WDR17: variants seen among roughly 807,000 people sequenced by gnomAD.
WDR17 encodes WD repeat domain 17.
In WDR17, 143 loss-of-function variants were observed where a neutral mutation model predicts 161.7. The ratio of observed to expected loss-of-function variants is 0.88; its 90% CI spans 0.77 to 1.02. WDR17 has a LOEUF of 1.02. WDR17 is among the 50% of genes least tolerant of loss of function. WDR17 has a pLI of 0.00. For synonymous variants in WDR17, 517 were observed against 515.6 expected, an observed-to-expected ratio of 1.00 and a Z score of -0.04; for missense variants, 1,469 against 1,520.9, an observed-to-expected ratio of 0.97 and a Z score of 0.57.
chr4:176,143,021 G>A (rs6849468), intron 11 of WDR17, among the ~76,000 whole-genome samples: 40,644 of 152,004 alleles, frequency 0.27, 5,694 homozygotes, highest in African/African-American at 0.34. Flanking sequence ...CTGGGATTAT[G>A]GGCATGCGCC....
At chr4:176,101,496 A>T (rs1020683886) in intron 1 of WDR17, among the ~76,000 whole-genome samples, 1 of 152,202 alleles carries the variant, frequency 6.6e-6, no homozygotes, top group Non-Finnish European at 1.5e-5. Context: ...AAATGTTGGT[A>T]TTATCAGACA....
At chr4:176,076,624 AT>A (rs550717229) in intron 1 of WDR17, among the ~76,000 whole-genome samples, 16 of 149,500 alleles carry the variant, frequency 1.1e-4, no homozygotes, top group Non-Finnish European at 2.2e-4. Flanking sequence ...CATTGATATG[AT>A]TTTTTTTTGC....
intron 2 of WDR17, among the ~76,000 whole-genome samples, chr4:176,112,547 A>G (rs1176114576): frequency 1.3e-5 from 2 of 152,060 alleles, no homozygotes; most frequent in Admixed American, 1.3e-4. Flanking sequence ...TTTCTAAGAC[A>G]TCTCAGTCTT....
Position 176,085,211 on chromosome 4 carries a change from A to T in WDR17, c.-7+19132A>T, listed in dbSNP as rs571294143. ...ATTTTGAGAGAATTTACATTTTCAC[A>T]TTTAATCTAATTCATTAACTCCATG... On this transcript the variant is annotated intron_variant, in intron 1 of 28. Coordinates refer to ENST00000508596, the MANE Select transcript of WDR17 (RefSeq NM_181265.4). Among the ~76,000 whole-genome samples, 59 of 152,212 alleles carry T rather than the reference A, an allele frequency of 3.9e-4. 3 individuals carry two copies. The South Asian group carries it at 0.012, about 30-fold the overall frequency.
intron 11 of WDR17, 68 bp from the exon 12 acceptor site, chr4:176,145,927 G>T: frequency 7.2e-7 from 1 of 1,389,376 alleles, no homozygotes; most frequent in Non-Finnish European, 9.8e-7. Flanking sequence ...TAGAACTATG[G>T]TATACCTTTA....
Position 176,139,940 on chromosome 4 carries a change from A to C in WDR17, c.1408A>C (p.Lys470Gln), listed in dbSNP as rs1273710226. ...CATTGCCTGGAGTCATAAAGATTCT[A>C]AAAGAATAGCAACCTGCAGCAGTGA... ...FCIAWSHKDS[K>Q]RIATCSSDGF... Residue 470 changes from lysine to glutamine, a missense_variant, in exon 10 of 29, where the codon AAA becomes CAA. Physicochemically the swap from Lys to Gln is moderately conservative, Grantham distance 53. Transcript: ENST00000508596. The C allele has an allele frequency of 3.1e-6, 5 of 1,612,164 alleles. No individual in the cohort carries two copies. Among genetic ancestry groups the C allele is most frequent in the Non-Finnish European group, 3.4e-6 (4 of 1,178,812 alleles).
intron 26 of WDR17, 42 bp downstream of exon 26, chr4:176,174,760 T>G: frequency 1.5e-6 from 2 of 1,298,238 alleles, no homozygotes; most frequent in Non-Finnish European, 2.2e-6. Context: ...TAGAGCAATT[T>G]CTCTTGCTAA....
Position 176,160,113 on chromosome 4 carries a change from T to C in WDR17, c.2645T>C (p.Leu882Pro). 2 of 1,613,732 alleles carry C rather than the reference T, an allele frequency of 1.2e-6. No homozygotes were observed. Among genetic ancestry groups the C allele is most frequent in the Non-Finnish European group, 1.7e-6 (2 of 1,179,758 alleles). Reference protein sequence around the residue: ...FMSRGQLKEALLVAQAACEGN... With the variant: ...FMSRGQLKEAPLVAQAACEGN... ...TCAAGAGGTCAGCTTAAAGAAGCTCTGCTTGTTGCACAGGTAAAACCACAG... is the reference window on the plus strand; with the variant it reads ...TCAAGAGGTCAGCTTAAAGAAGCTCCGCTTGTTGCACAGGTAAAACCACAG... Residue 882 changes from leucine to proline, a missense_variant, in exon 19 of 29, where the codon CTG becomes CCG. Coordinates refer to ENST00000508596, the MANE Select transcript of WDR17 (RefSeq NM_181265.4).
At position 176,112,253 on chromosome 4, in the gene WDR17, C is replaced by T. The variant is rs975562334; in HGVS notation, c.123+550C>T. ...TTGACTCCCTCTTCCACTCACATCC[C>T]GTGCCCTTGGTAGCCAAGAGTGATT... On this transcript the variant is annotated intron_variant, in intron 2 of 28. Coordinates refer to ENST00000508596, the MANE Select transcript of WDR17 (RefSeq NM_181265.4). Among the ~76,000 whole-genome samples, 8 of 152,238 alleles carry T rather than the reference C, an allele frequency of 5.3e-5. No homozygotes were observed. The South Asian group carries it at 1.4e-3, about 28-fold the overall frequency.
chr4:176,141,611 T>C (rs1310626917), intron 10 of WDR17, among the ~76,000 whole-genome samples: 1 of 152,120 alleles, frequency 6.6e-6, no homozygotes, highest in Non-Finnish European at 1.5e-5. Flanking sequence ...TTTGTATTTT[T>C]TGGTAGAGAT....
intron 6 of WDR17, among the ~76,000 whole-genome samples, chr4:176,130,664 C>G (rs575237423): frequency 3.5e-4 from 52 of 148,274 alleles, no homozygotes; most frequent in South Asian, 2.4e-3. Context: ...AGAATGGCGT[C>G]AACCTGGGAG....
intron 1 of WDR17, among the ~76,000 whole-genome samples, chr4:176,080,981 AC>A (rs33963955): frequency 0.63 from 95,365 of 151,688 alleles, 30,229 homozygotes; most frequent in African/African-American, 0.65. Context: ...TTTATCCCAG[AC>A]CCTGGAGCTC....
intron 13 of WDR17, among the ~76,000 whole-genome samples, chr4:176,149,139 G>A (rs1253217528): frequency 6.6e-6 from 1 of 152,100 alleles, no homozygotes; most frequent in Non-Finnish European, 1.5e-5. Flanking sequence ...CAGATACTAT[G>A]TATGCTATTG....
chr4:176,153,639 TA>T (rs1747592648), intron 17 of WDR17, among the ~76,000 whole-genome samples: 1 of 152,250 alleles, frequency 6.6e-6, no homozygotes, highest in African/African-American at 2.4e-5. Flanking sequence ...TATCATCTTT[TA>T]AAAAGTTTAA....
At chr4:176,158,528 C>A (rs867116977) in intron 18 of WDR17, among the ~76,000 whole-genome samples, 1 of 152,140 alleles carries the variant, frequency 6.6e-6, no homozygotes, top group Non-Finnish European at 1.5e-5. Context: ...ATCATTAGTT[C>A]TCTTTGGACA....
In WDR17 at chr4:176,160,385, G is replaced by A. The variant is rs567926417; in HGVS notation, c.2658+259G>A. Among the ~76,000 whole-genome samples, 35 of 152,160 alleles carry A rather than the reference G, an allele frequency of 2.3e-4. 1 individual carries two copies. In the South Asian group the frequency reaches 6.2e-3, roughly 27 times the overall value. ...CACCCAGGCTGGAGTGCAATGGCAC[G>A]ATCTCAGCTCACCACAACCTCCACC... On this transcript the variant is annotated intron_variant, in intron 19 of 28. Transcript: ENST00000508596.
Position 176,181,595 on chromosome 4 carries a change from C to A in WDR17, c.*2016C>A, listed in dbSNP as rs201339377. ...TAAACTCTTAGAGATATCTGTAACT[C>A]AAATTTTTCTTAGGTGAGGAGGATT... On this transcript the variant is annotated 3_prime_UTR_variant, in exon 29 of 29. Coordinates refer to ENST00000508596, the MANE Select transcript of WDR17 (RefSeq NM_181265.4). 1,954 of 170,416 alleles carry A rather than the reference C, an allele frequency of 0.011. 19 individuals carry two copies. Among genetic ancestry groups the A allele is most frequent in the Middle Eastern group, 0.021 (8 of 382 alleles). 10.6% of individuals were successfully genotyped at this position (170,416 alleles called of 1,614,324 possible).
intron 24 of WDR17, 88 bp from the exon 25 acceptor site, chr4:176,173,179 C>G: frequency 1.2e-6 from 1 of 858,888 alleles, no homozygotes; most frequent in East Asian, 2.8e-5. Context: ...GACTGACTGA[C>G]AGAAAATTAA....
chr4:176,080,926 G>A (rs752328983), intron 1 of WDR17, among the ~76,000 whole-genome samples: 8 of 151,888 alleles, frequency 5.3e-5, no homozygotes, highest in Admixed American at 2.0e-4. Context: ...CCTACATGTC[G>A]CACTGACATT....
Sources: allele counts gnomAD v4.1 joint callset (sites outside exome capture counted in the v4.1 genomes callset), GRCh38; gene constraint gnomAD v4.1.1; transcripts MANE v1.5; gene names NCBI Gene and HGNC (gene_info 2026-07-23, HGNC 2026-07-21).